POTEG: variants seen among roughly 807,000 people sequenced by gnomAD.
POTEG encodes ANKRD26-like family C member 2.
POTEG carries 2 observed loss-of-function variants against 49.6 expected under a neutral mutation model. The ratio of observed to expected loss-of-function variants is 0.04; its 90% CI spans 0.02 to 0.13. POTEG has a LOEUF of 0.13. Ranked by LOEUF, POTEG falls within the 10% of genes least tolerant of loss-of-function variation. POTEG has a pLI of 1.00. For synonymous variants in POTEG, 7 were observed against 186.6 expected (o/e 0.04, Z 7.84); for missense variants, 26 against 545.2 (o/e 0.05, Z 9.48).
At chr14:19,433,436 A>G (rs1884242159) in intron 1 of POTEG, among the ~76,000 whole-genome samples, 1 of 68,278 alleles carries the variant, frequency 1.5e-5, no homozygotes, top group Non-Finnish European at 2.9e-5. Context: ...TTAGTTCTCA[A>G]TATACACTTT....
In POTEG at chr14:19,425,662, C is replaced by G. The variant is rs760123064; in HGVS notation, c.861G>C (p.Val287=). ...LLGVHEQKQQ[V]VKFLIKKKAN... ...CTTTTTTCTTGATTAAGAATTTCAC[C>G]ACTTGCTGTTTTTGCTCATGTACAC... The change falls in exon 4 of 11, where the codon GTG becomes GTC. Residue 287 remains valine (V), a synonymous_variant. Coordinates refer to ENST00000547848, the MANE Select transcript of POTEG (RefSeq NM_001005356.3). 6.4e-6 allele frequency: 4 copies of G among 629,736 alleles called. No homozygotes were observed. The highest frequency in any genetic ancestry group is 5.3e-4 in the Middle Eastern group (1 of 1,890). 39.0% of individuals were successfully genotyped at this position (629,736 alleles called of 1,614,324 possible). A position where few individuals can be genotyped will look rare whatever the true frequency, so the allele number is the denominator to read the frequency against.
At chr14:19,427,740 GT>G (rs1219511130) in intron 3 of POTEG, among the ~76,000 whole-genome samples, 54 of 150,458 alleles carry the variant, frequency 3.6e-4, no homozygotes, top group African/African-American at 1.3e-3. Context: ...TACTAAGTCA[GT>G]TAATTACTTG....
chr14:19,402,826 CG>C lies in POTEG; in HGVS notation c.*284del. 1.0e-5 allele frequency: 4 copies of C among 400,016 alleles called. No individual in the cohort carries two copies. Among genetic ancestry groups the C allele is most frequent in the Middle Eastern group, 5.7e-4 (1 of 1,746 alleles). 24.8% of individuals were successfully genotyped at this position (400,016 alleles called of 1,614,324 possible). ...CCCCACGATGGAAGGGAAGACAGCCCGGGGGGCATCGTCACCTGCAAAGCCG... is the reference window on the plus strand; with the variant it reads ...CCCCACGATGGAAGGGAAGACAGCCCGGGGGCATCGTCACCTGCAAAGCCG... On this transcript the variant is annotated 3_prime_UTR_variant, in exon 11 of 11. Coordinates refer to ENST00000547848, the MANE Select transcript of POTEG (RefSeq NM_001005356.3).
chr14:19,415,342 A>G (rs1268797870), intron 7 of POTEG, among the ~76,000 whole-genome samples: 1 of 143,884 alleles, frequency 7.0e-6, no homozygotes. Context: ...GCAAGATATG[A>G]TTCCTTTAAT....
rs1330021904 is a variant in POTEG, at chr14:19,420,279, T to C, written c.1126+1345A>G. ...TTCCTCATCACATATGTCTGGCACA[T>C]AATCAATATATAATAAATCATAATT... On this transcript the variant is annotated intron_variant, in intron 6 of 10. Coordinates refer to ENST00000547848, the MANE Select transcript of POTEG (RefSeq NM_001005356.3). Among the ~76,000 whole-genome samples, 15 of 137,112 alleles carry C rather than the reference T, an allele frequency of 1.1e-4. No individual in the cohort carries two copies. The East Asian group carries it at 2.9e-3, about 26-fold the overall frequency. The allele number at this position is 137,112 out of a possible 152,430, so 90.0% of individuals were successfully genotyped here.
intron 1 of POTEG, among the ~76,000 whole-genome samples, chr14:19,432,353 A>C (rs1386734658): frequency 2.3e-5 from 2 of 88,522 alleles, no homozygotes; most frequent in Admixed American, 1.2e-4. Flanking sequence ...ATCAAAAAAA[A>C]AAAAGAAATT....
chr14:19,432,423 T>A (rs1218556372), intron 1 of POTEG, among the ~76,000 whole-genome samples: 1 of 85,864 alleles, frequency 1.2e-5, no homozygotes, highest in Non-Finnish European at 2.5e-5. Context: ...TGTATATATA[T>A]GTATATACGT....
intron 1 of POTEG, among the ~76,000 whole-genome samples, chr14:19,432,366 G>GTGTGTGTATATATATATA (rs1555310346): frequency 2.6e-5 from 1 of 37,898 alleles, no homozygotes; most frequent in African/African-American, 1.2e-4. Context: ...AAGAAATTTT[G>GTGTGTGTATATATATATA]TATATATATA....
Position 19,425,612 on chromosome 14 carries a change from T to C in POTEG, c.911A>G (p.Tyr304Cys). ...TTAAAAGAAAGAACTATACCTTCCA[T>C]ATCTATCCAGTGCATTTAAATTTGC... The part of the protein sequence containing the change: ...KKANLNALDR[Y>C]GRTALILAVC... The change falls in exon 4 of 11, where the codon TAT becomes TGT. Residue 304 changes from tyrosine to cysteine, a missense_variant. Transcript: ENST00000547848. 2.9e-6 allele frequency: 2 copies of C among 696,116 alleles called. No homozygotes were observed. Among genetic ancestry groups the C allele is most frequent in the East Asian group, 9.8e-5 (2 of 20,376 alleles). 43.1% of individuals were successfully genotyped at this position (696,116 alleles called of 1,614,324 possible). A position where few individuals can be genotyped will look rare whatever the true frequency, so the allele number is the denominator to read the frequency against.
intron 1 of POTEG, among the ~76,000 whole-genome samples, chr14:19,432,432 G>GTATA (rs60251207): frequency 1.2e-3 from 74 of 63,846 alleles, no homozygotes; most frequent in Non-Finnish European, 1.4e-3. Context: ...ATGTATATAC[G>GTATA]TATATATATA....
chr14:19,432,366 GT>G (rs1884168129), intron 1 of POTEG, among the ~76,000 whole-genome samples: 1 of 37,898 alleles, frequency 2.6e-5, no homozygotes, highest in African/African-American at 1.2e-4. Flanking sequence ...AAGAAATTTT[GT>G]ATATATATAT....
chr14:19,415,524 C>A (rs28499177), intron 7 of POTEG, among the ~76,000 whole-genome samples: 4 of 137,198 alleles, frequency 2.9e-5, no homozygotes, highest in Non-Finnish European at 6.5e-5. Flanking sequence ...ATCAGTGTTA[C>A]ATTGTTCATA....
At chr14:19,429,883 A>AT (rs1340965245) in intron 1 of POTEG, among the ~76,000 whole-genome samples, 1 of 36,440 alleles carries the variant, frequency 2.7e-5, no homozygotes, top group Non-Finnish European at 5.9e-5. Flanking sequence ...GCATGGGCTC[A>AT]TTTTTTTCAA....
chr14:19,426,384 A>G, intron 3 of POTEG, among the ~76,000 whole-genome samples: 1 of 150,128 alleles, frequency 6.7e-6, no homozygotes, highest in South Asian at 2.1e-4. Context: ...CCAAAGCTCT[A>G]CATACTTAAA....
At chr14:19,419,953 T>C (rs1232311703) in intron 6 of POTEG, among the ~76,000 whole-genome samples, 5 of 143,824 alleles carry the variant, frequency 3.5e-5, no homozygotes, top group Admixed American at 3.5e-4. Context: ...AAAAAGTCTA[T>C]CATGAACTTG....
In POTEG at chr14:19,418,974, AG is replaced by A. The variant is rs1312219941; in HGVS notation, c.1127-2617del. ...GTTATTTCTTACGGGAAAAAAATTA[AG>A]CTAAACAAATGAAAAAAGCATAACA... On this transcript the variant is annotated intron_variant, in intron 6 of 10. Transcript: ENST00000547848. 7.2e-5 allele frequency among the ~76,000 whole-genome samples: 8 copies of A among 111,788 alleles called. No individual in the cohort carries two copies. In the East Asian group the frequency reaches 2.9e-3, roughly 40 times the overall value. The allele number at this position is 111,788 out of a possible 152,430, so 73.3% of individuals were successfully genotyped here. A position where few individuals can be genotyped will look rare whatever the true frequency, so the allele number is the denominator to read the frequency against.
intron 1 of POTEG, among the ~76,000 whole-genome samples, chr14:19,431,281 C>G (rs1488594361): frequency 6.6e-6 from 1 of 152,398 alleles, no homozygotes; most frequent in Non-Finnish European, 1.5e-5. Flanking sequence ...CGACATATCT[C>G]TATGTACTGA....
At chr14:19,432,387 T>C (rs1194446654) in intron 1 of POTEG, among the ~76,000 whole-genome samples, 1 of 86,034 alleles carries the variant, frequency 1.2e-5, no homozygotes, top group African/African-American at 4.4e-5. Context: ...TATATATATA[T>C]ATATATATAT....
At chr14:19,419,963 G>C (rs1352903719) in intron 6 of POTEG, among the ~76,000 whole-genome samples, 1 of 143,648 alleles carries the variant, frequency 7.0e-6, no homozygotes. Flanking sequence ...TCATGAACTT[G>C]CCTTAGCTGA....
Sources: allele counts gnomAD v4.1 joint callset (sites outside exome capture counted in the v4.1 genomes callset), GRCh38; gene constraint gnomAD v4.1.1; transcripts MANE v1.5; gene names NCBI Gene and HGNC (gene_info 2026-07-23, HGNC 2026-07-21).